The following APP variants were observed in gnomAD, a reference collection of about 807,000 sequenced individuals.
APP encodes the protein amyloid beta precursor protein.
In APP, 31 loss-of-function variants were observed where a neutral mutation model predicts 101.4. That is an observed-to-expected ratio of 0.31 (90% confidence interval 0.23 to 0.41). The LOEUF is 0.41. Ranked by LOEUF, APP falls within the 10% of genes least tolerant of loss-of-function variation. The pLI is 1.00. For synonymous variants in APP, 366 were observed against 364.4 expected (o/e 1.00, Z -0.05); for missense variants, 839 against 1,003.7 (o/e 0.84, Z 2.22).
At chr21:26,138,607 C>T (rs1359629571) in intron 1 of APP, among the ~76,000 whole-genome samples, 2 of 151,818 alleles carry the variant, frequency 1.3e-5, no homozygotes, top group Non-Finnish European at 2.9e-5. Flanking sequence ...GCGGGAGGAT[C>T]GCTTGAGACA....
intron 3 of APP, among the ~76,000 whole-genome samples, chr21:26,056,077 C>T (rs2046029158): frequency 6.6e-6 from 1 of 152,204 alleles, no homozygotes; most frequent in Admixed American, 6.5e-5. Flanking sequence ...CACTCTGTCA[C>T]CCTGGCTGGA....
intron 6 of APP, among the ~76,000 whole-genome samples, chr21:26,014,537 G>C (rs565019081): frequency 1.3e-5 from 2 of 152,260 alleles, no homozygotes; most frequent in South Asian, 4.2e-4. Context: ...TCCGGGCTGA[G>C]CACTTTCTCT....
At chr21:26,060,375 C>T (rs151015633) in intron 3 of APP, among the ~76,000 whole-genome samples, 5 of 152,302 alleles carry the variant, frequency 3.3e-5, no homozygotes, top group Non-Finnish European at 7.3e-5. Flanking sequence ...ACTCTTTCAA[C>T]TCTTGCACCG....
At chr21:26,021,046 CTT>C (rs144287372) in intron 6 of APP, among the ~76,000 whole-genome samples, 1,094 of 101,740 alleles carry the variant, frequency 0.011, 4 homozygotes, top group African/African-American at 0.016. Context: ...CTCACCAAAT[CTT>C]TTTTTTTTTT....
intron 16 of APP, among the ~76,000 whole-genome samples, chr21:25,892,601 A>AC (rs1311348264): frequency 6.6e-6 from 1 of 152,222 alleles, no homozygotes; most frequent in African/African-American, 2.4e-5. Context: ...ATGCTTTCTA[A>AC]CTATTGTCTC....
At chr21:26,027,602 C>A (rs2044635622) in intron 5 of APP, among the ~76,000 whole-genome samples, 1 of 152,120 alleles carries the variant, frequency 6.6e-6, no homozygotes, top group East Asian at 1.9e-4. Flanking sequence ...TGAAAACAAG[C>A]AAACTGCAGG....
At chr21:25,914,709 A>AG in intron 13 of APP, among the ~76,000 whole-genome samples, 1 of 151,798 alleles carries the variant, frequency 6.6e-6, no homozygotes, top group African/African-American at 2.4e-5. Context: ...GCCCGCCACC[A>AG]CGCCCGGCTA....
At chr21:25,889,853 CAAAG>C (rs1373800512) in intron 17 of APP, among the ~76,000 whole-genome samples, 2 of 151,648 alleles carry the variant, frequency 1.3e-5, no homozygotes, top group Non-Finnish European at 2.9e-5. Flanking sequence ...TCTCAAAAAA[CAAAG>C]AAACAACAAC....
intron 13 of APP, among the ~76,000 whole-genome samples, chr21:25,926,456 T>A (rs1277300718): frequency 6.6e-6 from 1 of 152,214 alleles, no homozygotes; most frequent in Non-Finnish European, 1.5e-5. Flanking sequence ...GTGATGGGAC[T>A]ATGCCAGTTA....
In APP at chr21:25,900,918, CAG is replaced by C. The variant is rs1569029072; in HGVS notation, c.1964-3247_1964-3246del. On this transcript the variant is annotated intron_variant, in intron 15 of 17. Transcript: ENST00000346798. ...AGGAGAATGGTGTGAACCCAGGAGG[CAG>C]AGCTTGCAGTGAGCCGAGATTCGTG... Among the ~76,000 whole-genome samples, 9 of 86,056 alleles carry C rather than the reference CAG, an allele frequency of 1.0e-4. No homozygotes were observed. In the South Asian group the frequency reaches 4.0e-3, roughly 38 times the overall value. 56.5% of individuals were successfully genotyped at this position (86,056 alleles called of 152,430 possible). A position where few individuals can be genotyped will look rare whatever the true frequency, so the allele number is the denominator to read the frequency against.
chr21:25,884,897 C>A (rs1188991103), intron 17 of APP, among the ~76,000 whole-genome samples: 2 of 152,320 alleles, frequency 1.3e-5, no homozygotes, highest in South Asian at 2.1e-4. Flanking sequence ...AGGTTTATCT[C>A]CTCTTCAAAC....
At chr21:26,163,638 C>A (rs1308267760) in intron 1 of APP, among the ~76,000 whole-genome samples, 2 of 152,118 alleles carry the variant, frequency 1.3e-5, no homozygotes, top group Non-Finnish European at 1.5e-5. Context: ...CGTATGTGAA[C>A]CCACTTCTTG....
In APP at chr21:25,950,890, A is replaced by C. The variant is rs542784613; in HGVS notation, c.1687+3700T>G. Among the ~76,000 whole-genome samples, 135 of 152,342 alleles carry C rather than the reference A, an allele frequency of 8.9e-4. 1 individual carries two copies. Among genetic ancestry groups the C allele is most frequent in the African/African-American group, 3.1e-3 (129 of 41,582 alleles). On this transcript the variant is annotated intron_variant, in intron 13 of 17. Transcript: ENST00000346798. The stretch of plus-strand genomic sequence containing the variant: ...AATGGGTGAGGGAGAGGAAGGCATC[A>C]TGGATAGTTTAGGCCAACCAAGAGA...
Position 26,094,550 on chromosome 21 carries a change from T to C in APP, c.226-4478A>G, listed in dbSNP as rs2061898708. On this transcript the variant is annotated intron_variant, in intron 2 of 17. Transcript: ENST00000346798. ...GAAAAAAAGCCTTTTTATGTTTACA[T>C]AGATATAAAAATATTTATATTTATA... 2.7e-5 allele frequency among the ~76,000 whole-genome samples: 4 copies of C among 150,246 alleles called. No homozygotes were observed. The South Asian group carries it at 8.3e-4, about 31-fold the overall frequency.
chr21:26,025,296 A>G (rs565240767), intron 5 of APP, among the ~76,000 whole-genome samples: 2 of 152,296 alleles, frequency 1.3e-5, no homozygotes, highest in East Asian at 3.9e-4. Context: ...CAGTTAATTT[A>G]CCGTGTTTGA....
chr21:26,043,607 G>C (rs2045473430), intron 5 of APP, among the ~76,000 whole-genome samples: 1 of 152,200 alleles, frequency 6.6e-6, no homozygotes. Flanking sequence ...GTAGGTGTAT[G>C]TGTTTGATGT....
intron 2 of APP, among the ~76,000 whole-genome samples, chr21:26,090,594 AG>A (rs1455301282): frequency 1.3e-5 from 2 of 152,204 alleles, no homozygotes; most frequent in Admixed American, 6.5e-5. Context: ...TAGAAACAAG[AG>A]GGGGAAAGGA....
chr21:25,909,700 G>A (rs1235932522), intron 14 of APP, among the ~76,000 whole-genome samples: 5 of 152,096 alleles, frequency 3.3e-5, no homozygotes. Context: ...AAATGAGATC[G>A]GACATTTTTC....
chr21:26,150,415 G>T (rs2063241431), intron 1 of APP, among the ~76,000 whole-genome samples: 1 of 152,088 alleles, frequency 6.6e-6, no homozygotes, highest in African/African-American at 2.4e-5. Context: ...CTTGTCCTGG[G>T]TCTGCTATTT....
Sources: gnomAD v4.1 joint callset for allele counts (sites outside exome capture counted in the v4.1 genomes callset) on GRCh38, gnomAD v4.1.1 for gene constraint, MANE v1.5 for transcripts, NCBI Gene and HGNC (gene_info 2026-07-23, HGNC 2026-07-21) for gene names.